DNAJB1: variants seen among roughly 807,000 people sequenced by gnomAD.
DNAJB1 encodes DnaJ heat shock protein family (Hsp40) member B1, also known as dnaJ homolog subfamily B member 1.
DNAJB1 carries 14 observed loss-of-function variants against 24.0 expected under a neutral mutation model. The observed-to-expected ratio is 0.58, with a 90% CI of 0.39 to 0.91. The LOEUF is 0.91. Ranked by LOEUF, DNAJB1 falls within the 40% of genes least tolerant of loss-of-function variation. The pLI is 0.00. For missense variants in DNAJB1, 517 were observed against 458.1 expected (o/e 1.13, Z -1.17); for synonymous variants, 262 against 174.4 (o/e 1.50, Z -3.96).
At chr19:14,525,020 G>C (rs1481971870) in intron 2 of DNAJB1, among the ~76,000 whole-genome samples, 7 of 152,038 alleles carry the variant, frequency 4.6e-5, no homozygotes, top group Admixed American at 1.3e-4. Flanking sequence ...AGGATCACAA[G>C]GTCAAGAGAT....
At chr19:14,558,558 C>A (rs769135233) in intron 1 of DNAJB1, among the ~76,000 whole-genome samples, 1 of 152,176 alleles carries the variant, frequency 6.6e-6, no homozygotes, top group Non-Finnish European at 1.5e-5. Context: ...GAACTGTCAT[C>A]ACAGAGCCAC....
intron 1 of DNAJB1, among the ~76,000 whole-genome samples, chr19:14,557,486 C>T (rs926693969): frequency 1.3e-5 from 2 of 148,990 alleles, no homozygotes; most frequent in Non-Finnish European, 3.0e-5. Flanking sequence ...GAGTCTTGCT[C>T]TGTCTCCCAG....
intron 1 of DNAJB1, among the ~76,000 whole-genome samples, chr19:14,558,918 C>T (rs976436661): frequency 9.9e-5 from 15 of 152,230 alleles, no homozygotes; most frequent in African/African-American, 3.4e-4. Flanking sequence ...GCTGCCTGTA[C>T]CCTCTGCAGC....
intron 1 of DNAJB1, 197 bp downstream of exon 1, chr19:14,517,942 G>T: frequency 4.0e-6 from 2 of 497,688 alleles, no homozygotes; most frequent in Non-Finnish European, 6.6e-6. Context: ...GCTTCTGGCC[G>T]AGCGGCTGGG....
At chr19:14,538,919 G>C (rs2072999704) in intron 1 of DNAJB1, among the ~76,000 whole-genome samples, 1 of 151,668 alleles carries the variant, frequency 6.6e-6, no homozygotes, top group South Asian at 2.1e-4. Flanking sequence ...GGTGGAGGAA[G>C]AAGCCCAGAT....
intron 1 of DNAJB1, among the ~76,000 whole-genome samples, chr19:14,539,686 A>G (rs979544896): frequency 1.3e-5 from 2 of 151,952 alleles, no homozygotes; most frequent in Non-Finnish European, 2.9e-5. Context: ...AGCACATGCT[A>G]TTCCCTCGGC....
rs754589899 is a variant in DNAJB1 at position 14,516,181 on chromosome 19, A to G, written c.793-11T>C. The G allele has an allele frequency of 3.1e-6, 5 of 1,613,422 alleles. No homozygotes were observed. Among genetic ancestry groups the G allele is most frequent in the Non-Finnish European group, 2.5e-6 (3 of 1,179,876 alleles). ...GCAGCCACACAGAGCCTTGAAAAGC[A>G]AAAGGACAGCATTAGATGGAAGCTG... On this transcript the variant is annotated splice_polypyrimidine_tract_variant and intron_variant, in intron 2 of 2. Coordinates refer to ENST00000254322, the MANE Select transcript of DNAJB1 (RefSeq NM_006145.3).
upstream of DNAJB1, chr19:14,531,872 G>A (rs1403198573): frequency 6.6e-6 from 1 of 152,074 alleles, no homozygotes; most frequent in African/African-American, 2.4e-5. Flanking sequence ...ATCTAAACCT[G>A]TAGTCCCACT....
At position 14,559,348 on chromosome 19, in the gene DNAJB1, C is replaced by G. The variant is rs73927066; in HGVS notation, c.-2166+683G>C. Among the ~76,000 whole-genome samples, 425 of 152,260 alleles carry G rather than the reference C, an allele frequency of 2.8e-3. 3 individuals carry two copies. The highest frequency in any genetic ancestry group is 9.8e-3 in the African/African-American group (409 of 41,554). ...AGCAGCCACTCCCCATTCCCCCCGC[C>G]CAGCCCCTGGCCCCTCCAATTTGCT... On this transcript the variant is annotated intron_variant, in intron 1 of 5. Coordinates refer to the DNAJB1 transcript ENST00000679223.
intron 1 of DNAJB1, among the ~76,000 whole-genome samples, chr19:14,548,905 C>G (rs1240612912): frequency 6.6e-6 from 1 of 152,138 alleles, no homozygotes; most frequent in Admixed American, 6.6e-5. Context: ...AGTGATACCA[C>G]TGTGGCAGCC....
At chr19:14,555,068 C>T (rs2073670772), upstream of DNAJB1, among the ~76,000 whole-genome samples, 9 of 151,362 alleles carry the variant, frequency 5.9e-5, no homozygotes, top group Admixed American at 5.9e-4. Context: ...TGAGCCACTG[C>T]GCCTGGCCTT....
At chr19:14,547,876 G>C (rs1299065625) in intron 1 of DNAJB1, among the ~76,000 whole-genome samples, 1 of 150,422 alleles carries the variant, frequency 6.6e-6, no homozygotes, top group Non-Finnish European at 1.5e-5. Flanking sequence ...TGCCCAGGTT[G>C]GTCTTGGGTC....
At chr19:14,526,469 A>T (rs764894635) in intron 2 of DNAJB1, among the ~76,000 whole-genome samples, 4 of 151,964 alleles carry the variant, frequency 2.6e-5, no homozygotes, top group Non-Finnish European at 5.9e-5. Context: ...AGCCTGCAAC[A>T]CCCCTCAAAA....
chr19:14,529,834 G>A (rs2072551686), upstream of DNAJB1: 7 of 1,409,854 alleles, frequency 5.0e-6, no homozygotes, highest in East Asian at 1.7e-4. Context: ...CGGCGCAGGC[G>A]CAGTGGGCAA....
At chr19:14,554,387 C>T (rs1175404922), upstream of DNAJB1, among the ~76,000 whole-genome samples, 1 of 152,210 alleles carries the variant, frequency 6.6e-6, no homozygotes, top group Non-Finnish European at 1.5e-5. Context: ...CCAAGCTTCC[C>T]GCTCTGGCCC....
At chr19:14,520,639 C>A (rs972993035), upstream of DNAJB1, among the ~76,000 whole-genome samples, 1 of 152,088 alleles carries the variant, frequency 6.6e-6, no homozygotes, top group African/African-American at 2.4e-5. Context: ...ACATCGAGAA[C>A]CATACTTGAG....
chr19:14,516,453 C>A lies in DNAJB1; in HGVS notation c.792+13G>T, dbSNP rs200973716. 4.1e-5 allele frequency: 66 copies of A among 1,608,428 alleles called. No individual in the cohort carries two copies. In the African/African-American group the frequency reaches 5.2e-4, roughly 13 times the overall value. On this transcript the variant is annotated intron_variant, in intron 2 of 2. Coordinates refer to ENST00000254322, the MANE Select transcript of DNAJB1 (RefSeq NM_006145.3). ...ATCGCCCTCTACAGACACCGCCCCACCTGGCACCTTACCTCCCGGAGGCTG... is the reference window on the plus strand; with the variant it reads ...ATCGCCCTCTACAGACACCGCCCCAACTGGCACCTTACCTCCCGGAGGCTG...
chr19:14,525,364 G>A (rs189024918), intron 2 of DNAJB1, among the ~76,000 whole-genome samples: 27 of 151,052 alleles, frequency 1.8e-4, no homozygotes, highest in African/African-American at 6.6e-4. Flanking sequence ...TCTCATGAGC[G>A]AATGTTTGCT....
upstream of DNAJB1, among the ~76,000 whole-genome samples, chr19:14,533,203 G>T (rs558501823): frequency 1.1e-3 from 170 of 151,888 alleles, no homozygotes; most frequent in Middle Eastern, 3.5e-3. Flanking sequence ...GGCAAATCAT[G>T]TGAGGTCAGG....
Sources: allele counts gnomAD v4.1 joint callset (sites outside exome capture counted in the v4.1 genomes callset), GRCh38; gene constraint gnomAD v4.1.1; transcripts MANE v1.5; gene names NCBI Gene and HGNC (gene_info 2026-07-23, HGNC 2026-07-21).